The following TTC7A variants were observed in gnomAD, a reference collection of about 807,000 sequenced individuals.
TTC7A encodes the protein tetratricopeptide repeat protein 7A.
In TTC7A, 110 loss-of-function variants were observed where a neutral mutation model predicts 103.7. The observed-to-expected ratio is 1.06, with a 90% CI of 0.91 to 1.24. The LOEUF is 1.24. Ranked by LOEUF, TTC7A falls within the 50% of genes most tolerant of loss-of-function variation. The pLI is 0.00. For missense variants in TTC7A, 1,340 were observed against 1,116.3 expected, an observed-to-expected ratio of 1.20 and a Z score of -2.86; for synonymous variants, 521 against 467.9, an observed-to-expected ratio of 1.11 and a Z score of -1.47.
intron 2 of TTC7A, among the ~76,000 whole-genome samples, chr2:46,935,509 G>C (rs1225356783): frequency 6.6e-6 from 1 of 152,164 alleles, no homozygotes; most frequent in Non-Finnish European, 1.5e-5. Flanking sequence ...TGTCAGGGTA[G>C]TGTTCTCCCT....
intron 2 of TTC7A, among the ~76,000 whole-genome samples, chr2:46,935,411 A>G (rs1669928917): frequency 6.6e-6 from 1 of 152,140 alleles, no homozygotes; most frequent in Admixed American, 6.5e-5. Flanking sequence ...ACTGAGCTTA[A>G]GCAAAAAAAA....
At chr2:46,988,329 G>C (rs1460832925) in intron 5 of TTC7A, among the ~76,000 whole-genome samples, 1 of 152,144 alleles carries the variant, frequency 6.6e-6, no homozygotes, top group African/African-American at 2.4e-5. Flanking sequence ...CAGAGGATTT[G>C]GGTCTGCGAC....
At chr2:47,063,940 T>G (rs1236607843) in intron 19 of TTC7A, among the ~76,000 whole-genome samples, 2 of 152,236 alleles carry the variant, frequency 1.3e-5, no homozygotes, top group Non-Finnish European at 2.9e-5. Context: ...CACTGGGAGT[T>G]GAAGACTTTG....
chr2:47,064,274 AAAG>A (rs1164286685), intron 19 of TTC7A, among the ~76,000 whole-genome samples: 1 of 152,242 alleles, frequency 6.6e-6, no homozygotes, highest in East Asian at 1.9e-4. Flanking sequence ...GTAGAAAGAA[AAAG>A]AAGTGTGCTC....
At chr2:46,934,433 A>G (rs992977453) in intron 2 of TTC7A, among the ~76,000 whole-genome samples, 2 of 152,030 alleles carry the variant, frequency 1.3e-5, no homozygotes, top group Non-Finnish European at 2.9e-5. Context: ...TAATTTTTGT[A>G]TTTTTAGTAG....
At chr2:46,954,986 G>T (rs149824053) in intron 2 of TTC7A, among the ~76,000 whole-genome samples, 5,058 of 152,174 alleles carry the variant, frequency 0.033, 109 homozygotes, top group Middle Eastern at 0.065. Flanking sequence ...TCCAGGAACC[G>T]CCACTAGCCA....
intron 2 of TTC7A, among the ~76,000 whole-genome samples, chr2:46,954,351 C>T (rs543993354): frequency 6.6e-6 from 1 of 152,080 alleles, no homozygotes; most frequent in Non-Finnish European, 1.5e-5. Context: ...CAAGGGGTTC[C>T]GTTCCCTGAC....
At chr2:46,977,080 C>T (rs1673953620) in intron 4 of TTC7A, among the ~76,000 whole-genome samples, 1 of 152,190 alleles carries the variant, frequency 6.6e-6, no homozygotes, top group African/African-American at 2.4e-5. Context: ...AAGTCTGCTG[C>T]TCAGCTGGAA....
intron 2 of TTC7A, among the ~76,000 whole-genome samples, chr2:46,927,884 G>GTTTTTTTT (rs566447236): frequency 6.8e-5 from 5 of 73,322 alleles, no homozygotes; most frequent in East Asian, 3.8e-4. Flanking sequence ...TTTTTTTGGT[G>GTTTTTTTT]TTTTTTTTTT....
At chr2:46,948,648 C>T (rs1221192101) in intron 1 of TTC7A, among the ~76,000 whole-genome samples, 3 of 152,084 alleles carry the variant, frequency 2.0e-5, no homozygotes, top group Non-Finnish European at 2.9e-5. Context: ...TTTCTAAAGA[C>T]GAGGTCTCCC....
chr2:46,993,757 A>G (rs571368812), intron 6 of TTC7A, among the ~76,000 whole-genome samples: 45 of 152,200 alleles, frequency 3.0e-4, no homozygotes, highest in African/African-American at 1.0e-3. Context: ...CAGATTTCAG[A>G]TCTACTGCCA....
intron 2 of TTC7A, among the ~76,000 whole-genome samples, chr2:46,951,058 A>T (rs1377116261): frequency 6.6e-6 from 1 of 152,188 alleles, no homozygotes; most frequent in Non-Finnish European, 1.5e-5. Flanking sequence ...TGAACCTGTG[A>T]CCTAGTTAGA....
Position 47,023,471 on chromosome 2 carries a change from G to A in TTC7A, c.1568+6G>A. On this transcript the variant is annotated splice_donor_region_variant and intron_variant, in intron 13 of 19. Transcript: ENST00000319190. The stretch of plus-strand genomic sequence containing the variant: ...GCACTGCAGACGCTGGAGAGGTGAG[G>A]AGGCTCCCACCTGCAGCAGAGGCCC... 1 of 1,614,046 alleles carries A rather than the reference G, an allele frequency of 6.2e-7. No homozygotes were observed. The highest frequency in any genetic ancestry group is 8.5e-7 in the Non-Finnish European group (1 of 1,179,964).
rs1234537724 is a variant in TTC7A at position 47,075,258 on chromosome 2, C to T, written c.*1335C>T. On this transcript the variant is annotated 3_prime_UTR_variant, in exon 20 of 20. Transcript: ENST00000319190. ...ACAGAGGACCCTGGATCCTTTGCCTCTTCTTGGTTGAAGGATCTCTATGTA... is the reference window on the plus strand; with the variant it reads ...ACAGAGGACCCTGGATCCTTTGCCTTTTCTTGGTTGAAGGATCTCTATGTA... 1 of 152,198 alleles carries T rather than the reference C, an allele frequency of 6.6e-6. No homozygotes were observed. Among genetic ancestry groups the T allele is most frequent in the East Asian group, 1.9e-4 (1 of 5,200 alleles). The allele number at this position is 152,198 out of a possible 1,614,324, so 9.4% of individuals were successfully genotyped here. A position where few individuals can be genotyped will look rare whatever the true frequency, so the allele number is the denominator to read the frequency against.
At chr2:46,935,167 T>C (rs776380971) in intron 2 of TTC7A, among the ~76,000 whole-genome samples, 48 of 152,132 alleles carry the variant, frequency 3.2e-4, no homozygotes, top group Admixed American at 1.7e-3. Context: ...GGTCACTAGA[T>C]GGCTGAAGGC....
rs79977444 is a variant in TTC7A at position 46,983,317 on chromosome 2, A to G, written c.764+4410A>G. Among the ~76,000 whole-genome samples the G allele has an allele frequency of 5.6e-3, 848 of 151,954 alleles. 4 individuals are homozygous for G. Among genetic ancestry groups the G allele is most frequent in the Non-Finnish European group, 8.9e-3 (606 of 67,954 alleles). ...CTGAGAAGCACAGCTGCCTCGCTCC[A>G]CCTCCACCATCTGCTTTTTTGATCC... On this transcript the variant is annotated intron_variant, in intron 5 of 19. Transcript: ENST00000319190.
At chr2:46,977,582 G>A (rs1674003097) in intron 4 of TTC7A, among the ~76,000 whole-genome samples, 1 of 152,182 alleles carries the variant, frequency 6.6e-6, no homozygotes, top group African/African-American at 2.4e-5. Context: ...ATGCTTGTTT[G>A]AGAGGGACAG....
chr2:46,960,024 T>C (rs1468092567), intron 3 of TTC7A, among the ~76,000 whole-genome samples: 7 of 152,188 alleles, frequency 4.6e-5, no homozygotes, highest in African/African-American at 1.7e-4. Context: ...TGTTTCCATG[T>C]CCAGGTGGTC....
At chr2:47,026,998 A>T (rs1237376505) in intron 14 of TTC7A, among the ~76,000 whole-genome samples, 1 of 152,124 alleles carries the variant, frequency 6.6e-6, no homozygotes, top group Admixed American at 6.5e-5. Flanking sequence ...TTCAGAGGGG[A>T]GGGCCTCGTC....
Sources: gnomAD v4.1 joint callset for allele counts (sites outside exome capture counted in the v4.1 genomes callset) on GRCh38, gnomAD v4.1.1 for gene constraint, MANE v1.5 for transcripts, NCBI Gene and HGNC (gene_info 2026-07-23, HGNC 2026-07-21) for gene names.